The following DHX35 variants were observed in gnomAD, a reference collection of about 807,000 sequenced individuals.
DHX35 encodes DEAH-box helicase 35.
Under a neutral mutation model 99.6 loss-of-function variants are expected in DHX35, and 84 were observed. The observed-to-expected ratio is 0.84, with a 90% CI of 0.71 to 1.01. DHX35 has a LOEUF of 1.01. Ranked by LOEUF, DHX35 falls within the 50% of genes least tolerant of loss-of-function variation. The pLI, the probability that DHX35 is intolerant of heterozygous loss-of-function variation, is 0.00. For synonymous variants in DHX35, 331 were observed against 316.2 expected (o/e 1.05, Z -0.50); for missense variants, 852 against 888.5 (o/e 0.96, Z 0.52).
At chr20:38,989,073 GA>G (rs2049294921) in intron 5 of DHX35, among the ~76,000 whole-genome samples, 156 bp downstream of exon 5, 1 of 151,522 alleles carries the variant, frequency 6.6e-6, no homozygotes. Context: ...AGTCAGCTAG[GA>G]GACAGAGAGC....
chr20:39,019,247 T>G (rs2086836237), intron 15 of DHX35, among the ~76,000 whole-genome samples: 1 of 152,176 alleles, frequency 6.6e-6, no homozygotes, highest in African/African-American at 2.4e-5. Context: ...CTGAGAACCC[T>G]CAGAAGTGCA....
chr20:38,969,350 C>G (rs764718921), intron 2 of DHX35, 136 bp downstream of exon 2: 108 of 1,063,116 alleles, frequency 1.0e-4, no homozygotes, highest in Non-Finnish European at 1.3e-4. Context: ...TAAGGGATGA[C>G]TTTTCATACT....
Position 39,021,973 on chromosome 20 carries a change from T to A in DHX35, c.1593+38T>A, listed in dbSNP as rs747938469. The A allele has an allele frequency of 2.5e-6, 4 of 1,603,348 alleles. No homozygotes were observed. In the South Asian group the frequency reaches 4.4e-5, roughly 18 times the overall value. The stretch of plus-strand genomic sequence containing the variant: ...TGTCCCCAGGCTGTCTGTACCAGTC[T>A]CTTTTGCTTTGAGCTTTCGTTGTCA... On this transcript the variant is annotated intron_variant, in intron 16 of 21. Transcript: ENST00000252011.
chr20:38,981,333 G>A (rs1036085693), intron 3 of DHX35, among the ~76,000 whole-genome samples: 5 of 152,054 alleles, frequency 3.3e-5, no homozygotes, highest in Admixed American at 6.5e-5. Flanking sequence ...TTTATTAAAT[G>A]TAATTTTCTG....
rs919349199 is a variant in DHX35, at chr20:39,006,430, A to G, written c.1222+74A>G. ...GGGCAACAGAGTGTAGCAAATGTTT[A>G]CTCCTAATGGTAGAACTTAACATAA... On this transcript the variant is annotated intron_variant, in intron 12 of 21. Coordinates refer to ENST00000252011, the MANE Select transcript of DHX35 (RefSeq NM_021931.4). The G allele has an allele frequency of 3.3e-6, 5 of 1,509,640 alleles. No homozygotes were observed. The African/African-American group carries it at 5.5e-5, about 17-fold the overall frequency. 93.5% of individuals were successfully genotyped at this position (1,509,640 alleles called of 1,614,324 possible). A position where few individuals can be genotyped will look rare whatever the true frequency, so the allele number is the denominator to read the frequency against.
At chr20:39,034,132 C>CTGTTA in intron 20 of DHX35, 74 bp from the exon 21 acceptor site, 1 of 1,089,922 alleles carries the variant, frequency 9.2e-7, no homozygotes, top group Admixed American at 1.7e-5. Flanking sequence ...TTAAAGGAAA[C>CTGTTA]AGCATGTCTA....
At chr20:39,032,185 TCTCA>T (rs1329718547) in intron 20 of DHX35, among the ~76,000 whole-genome samples, 2 of 152,226 alleles carry the variant, frequency 1.3e-5, no homozygotes, top group Non-Finnish European at 2.9e-5. Context: ...TGAGACAGTG[TCTCA>T]CTCTGTGTTT....
At chr20:39,010,178 G>C (rs2086678564) in intron 12 of DHX35, 102 bp from the exon 13 acceptor site, 1 of 1,517,004 alleles carries the variant, frequency 6.6e-7, no homozygotes, top group Non-Finnish European at 9.1e-7. Context: ...TAGAATCCTA[G>C]AGACCCTTGT....
chr20:39,021,826 C>T lies in DHX35; in HGVS notation c.1499-15C>T, dbSNP rs1568755576. The T allele has an allele frequency of 2.5e-6, 4 of 1,612,986 alleles. No homozygotes were observed. Among genetic ancestry groups the T allele is most frequent in the South Asian group, 1.1e-5 (1 of 91,050 alleles). On this transcript the variant is annotated splice_polypyrimidine_tract_variant and intron_variant, in intron 15 of 21. Coordinates refer to ENST00000252011, the MANE Select transcript of DHX35 (RefSeq NM_021931.4). ...CATTATATGGTTGAAACCAAACATG[C>T]TTTTTGTTTTACAGGAAACTTCGGC...
At chr20:38,968,538 C>T (rs1469322130) in intron 1 of DHX35, among the ~76,000 whole-genome samples, 1 of 151,946 alleles carries the variant, frequency 6.6e-6, no homozygotes, top group African/African-American at 2.4e-5. Flanking sequence ...GTGGGACTGC[C>T]ATCTCGTTTC....
intron 11 of DHX35, 63 bp from the exon 12 acceptor site, chr20:39,006,083 A>C (rs565666493): frequency 3.9e-6 from 6 of 1,544,474 alleles, no homozygotes; most frequent in Non-Finnish European, 5.3e-6. Flanking sequence ...TAGGATTTTT[A>C]CGAGTTTGTT....
intron 1 of DHX35, chr20:38,963,054 G>A (rs1267073309): frequency 1.3e-5 from 2 of 152,402 alleles, no homozygotes; most frequent in East Asian, 3.8e-4. Context: ...CTAGAAAAGG[G>A]AACAGTCCTT....
intron 8 of DHX35, among the ~76,000 whole-genome samples, chr20:38,995,485 T>C (rs1008818682): frequency 6.6e-6 from 1 of 151,936 alleles, no homozygotes; most frequent in African/African-American, 2.4e-5. Flanking sequence ...GATCGCTCCA[T>C]TGCACTCCAG....
chr20:39,030,465 TC>T, intron 19 of DHX35: 2 of 513,940 alleles, frequency 3.9e-6, no homozygotes, highest in South Asian at 2.6e-5. Flanking sequence ...AAATGTTTTT[TC>T]TAAGTGTCCG....
chr20:39,018,035 A>G (rs972756977), intron 14 of DHX35, among the ~76,000 whole-genome samples: 6 of 152,026 alleles, frequency 3.9e-5, no homozygotes, highest in Admixed American at 1.3e-4. Flanking sequence ...GTGCAGGGGA[A>G]CTCCCATTTA....
In DHX35 at chr20:39,022,373, G is replaced by A. The variant is rs553395813; in HGVS notation, c.1593+438G>A. Among the ~76,000 whole-genome samples the A allele has an allele frequency of 5.9e-5, 9 of 152,232 alleles. No individual in the cohort carries two copies. The East Asian group carries it at 7.7e-4, about 13-fold the overall frequency. On this transcript the variant is annotated intron_variant, in intron 16 of 21. Transcript: ENST00000252011. Reference sequence around the variant, plus strand: ...GGGGTTTCACCATATTGGCCAGGCCGGTCTCGAACTCCTGACCTCAGGTGA... The same window carrying A: ...GGGGTTTCACCATATTGGCCAGGCCAGTCTCGAACTCCTGACCTCAGGTGA...
chr20:39,030,917 C>T, intron 20 of DHX35, 142 bp downstream of exon 20: 2 of 850,858 alleles, frequency 2.4e-6, no homozygotes, highest in South Asian at 1.7e-5. Context: ...AATCCCAGCA[C>T]TTTGGGAGGC....
In DHX35 at chr20:39,001,516, G is replaced by A. The variant is rs182352274; in HGVS notation, c.643-214G>A. ...CTTTATTATTTTTATTAAAACTTTA[G>A]TAAAGACACTGTCATTGAAATGTGA... On this transcript the variant is annotated intron_variant, in intron 8 of 21. Transcript: ENST00000252011. 2.6e-3 allele frequency among the ~76,000 whole-genome samples: 397 copies of A among 152,250 alleles called. 1 individual carries two copies. Among genetic ancestry groups the A allele is most frequent in the Admixed American group, 8.2e-3 (126 of 15,300 alleles).
intron 14 of DHX35, among the ~76,000 whole-genome samples, chr20:39,018,265 C>G (rs1026993522): frequency 6.6e-6 from 1 of 151,996 alleles, no homozygotes; most frequent in Non-Finnish European, 1.5e-5. Flanking sequence ...TGTGGCCTGT[C>G]CGGTCCTGGA....
Sources: gnomAD v4.1 joint callset for allele counts (sites outside exome capture counted in the v4.1 genomes callset) on GRCh38, gnomAD v4.1.1 for gene constraint, MANE v1.5 for transcripts, NCBI Gene and HGNC (gene_info 2026-07-23, HGNC 2026-07-21) for gene names.